Variants in COG6 observed in about 807,000 individuals in gnomAD.
The protein encoded by COG6 is conserved oligomeric Golgi complex subunit 6.
COG6 carries 74 observed loss-of-function variants against 88.8 expected under a neutral mutation model. That is an observed-to-expected ratio of 0.83 (90% CI 0.69 to 1.01). The LOEUF (loss-of-function observed/expected upper bound fraction) is 1.01. Among genes scored for constraint, COG6 ranks in the 50% least tolerant of loss-of-function variants. COG6 has a pLI of 0.00. For missense variants in COG6, 800 were observed against 797.9 expected (o/e 1.00, Z -0.03); for synonymous variants, 286 against 278.7 (o/e 1.03, Z -0.26).
At chr13:39,774,862 C>A (rs536009362) in intron 18 of COG6, among the ~76,000 whole-genome samples, 1 of 152,198 alleles carries the variant, frequency 6.6e-6, no homozygotes, top group South Asian at 2.1e-4. Context: ...TGTGAGCCAC[C>A]GCGCCTGGCT....
chr13:39,705,702 C>G (rs890381333), intron 13 of COG6, among the ~76,000 whole-genome samples: 2 of 152,028 alleles, frequency 1.3e-5, no homozygotes, highest in Non-Finnish European at 2.9e-5. Flanking sequence ...CATTTAAATT[C>G]TAGGATATGG....
At chr13:39,784,800 C>A (rs946881851) in intron 18 of COG6, among the ~76,000 whole-genome samples, 1 of 152,158 alleles carries the variant, frequency 6.6e-6, no homozygotes, top group Non-Finnish European at 1.5e-5. Flanking sequence ...ACTCTGAAGG[C>A]TGGTGGTTCA....
At chr13:39,762,845 T>C (rs937190053) in intron 18 of COG6, among the ~76,000 whole-genome samples, 2 of 150,656 alleles carry the variant, frequency 1.3e-5, no homozygotes, top group African/African-American at 4.9e-5. Flanking sequence ...TCCAGCAGAA[T>C]GTTAACTAAT....
intron 18 of COG6, among the ~76,000 whole-genome samples, chr13:39,760,325 G>A (rs1219711247): frequency 6.6e-6 from 1 of 152,068 alleles, no homozygotes; most frequent in East Asian, 1.9e-4. Flanking sequence ...CCTTAGAAAG[G>A]ACACCAAAGA....
intron 2 of COG6, 81 bp from the exon 3 acceptor site, chr13:39,660,729 T>C: frequency 2.1e-6 from 2 of 950,058 alleles, no homozygotes; most frequent in South Asian, 2.7e-5. Flanking sequence ...ATTATGTAAC[T>C]AAAATAAGGA....
intron 18 of COG6, among the ~76,000 whole-genome samples, chr13:39,765,308 C>G (rs1881132537): frequency 6.6e-6 from 1 of 152,080 alleles, no homozygotes; most frequent in Non-Finnish European, 1.5e-5. Context: ...TGCTTTGATC[C>G]CATGGTAAAT....
chr13:39,736,076 C>T (rs752384026), intron 18 of COG6, among the ~76,000 whole-genome samples: 2 of 151,986 alleles, frequency 1.3e-5, no homozygotes, highest in East Asian at 1.9e-4. Context: ...TCTGTTATCC[C>T]GTCAAATAAA....
chr13:39,727,218 A>G (rs1446516641), intron 17 of COG6, among the ~76,000 whole-genome samples: 1 of 152,120 alleles, frequency 6.6e-6, no homozygotes, highest in Non-Finnish European at 1.5e-5. Flanking sequence ...TGTGAGGAAG[A>G]CTAAAATGAA....
intron 8 of COG6, among the ~76,000 whole-genome samples, chr13:39,683,320 T>C (rs1174311865): frequency 6.6e-6 from 1 of 152,180 alleles, no homozygotes; most frequent in Non-Finnish European, 1.5e-5. Context: ...GAGATGAGCA[T>C]CAGTGAAAGT....
intron 12 of COG6, 73 bp downstream of exon 12, chr13:39,694,798 T>A: frequency 1.2e-6 from 1 of 808,836 alleles, no homozygotes; most frequent in South Asian, 1.6e-5. Context: ...AGTATAAGAT[T>A]TTTTTTTATA....
intron 18 of COG6, among the ~76,000 whole-genome samples, chr13:39,732,027 CT>C (rs1199277061): frequency 1.3e-5 from 2 of 152,096 alleles, no homozygotes; most frequent in Non-Finnish European, 2.9e-5. Flanking sequence ...GTTCTTCTGC[CT>C]TTTTGTTCCA....
At chr13:39,666,559 A>G (rs955738565) in intron 4 of COG6, among the ~76,000 whole-genome samples, 1 of 152,122 alleles carries the variant, frequency 6.6e-6, no homozygotes, top group Admixed American at 6.5e-5. Context: ...ATGACCCCCA[A>G]CTCCTTAGTT....
intron 18 of COG6, among the ~76,000 whole-genome samples, chr13:39,761,089 A>T (rs1880995679): frequency 6.6e-6 from 1 of 152,004 alleles, no homozygotes; most frequent in Admixed American, 6.6e-5. Flanking sequence ...CTTCAACTCT[A>T]TGTATCAATT....
At chr13:39,690,870 T>G (rs1032293488) in intron 11 of COG6, among the ~76,000 whole-genome samples, 2 of 151,956 alleles carry the variant, frequency 1.3e-5, no homozygotes, top group African/African-American at 4.8e-5. Context: ...CATAGTTTGA[T>G]GTAGACATAT....
In COG6 at chr13:39,699,927, G is replaced by A. The variant is rs569901354; in HGVS notation, c.1284+309G>A. 6.6e-5 allele frequency among the ~76,000 whole-genome samples: 10 copies of A among 151,886 alleles called. 1 individual carries two copies. In the East Asian group the frequency reaches 1.5e-3, roughly 24 times the overall value. ...ACTGTATTTAGCTGGGGGCTAAGATGACATACAGATTGGAAAACCAGAACT... is the reference window on the plus strand; with the variant it reads ...ACTGTATTTAGCTGGGGGCTAAGATAACATACAGATTGGAAAACCAGAACT... On this transcript the variant is annotated intron_variant, in intron 13 of 18. Coordinates refer to ENST00000455146, the MANE Select transcript of COG6 (RefSeq NM_020751.3).
At chr13:39,712,251 A>T (rs1878285860) in intron 13 of COG6, among the ~76,000 whole-genome samples, 1 of 152,112 alleles carries the variant, frequency 6.6e-6, no homozygotes, top group Non-Finnish European at 1.5e-5. Context: ...TACTGTACTT[A>T]TGGATCCCAT....
At chr13:39,669,592 G>A (rs1345571530) in intron 4 of COG6, among the ~76,000 whole-genome samples, 1 of 152,140 alleles carries the variant, frequency 6.6e-6, no homozygotes, top group Non-Finnish European at 1.5e-5. Flanking sequence ...TTGAGTAAAT[G>A]AATATGGAAA....
At position 39,677,521 on chromosome 13, in the gene COG6, A is replaced by C; in HGVS notation, c.482A>C (p.Gln161Pro). 1 of 1,613,660 alleles carries C rather than the reference A, an allele frequency of 6.2e-7. No homozygotes were observed. Among genetic ancestry groups the C allele is most frequent in the Non-Finnish European group, 8.5e-7 (1 of 1,179,716 alleles). The change falls in exon 5 of 19, where the codon CAA (glutamine) becomes CCA (proline). Residue 161 changes from glutamine (Q) to proline (P), a missense_variant. By Grantham distance (76) the Gln-to-Pro change is moderately conservative. Transcript: ENST00000455146. ...QVADAFLSKFQLTSDEMSLLR... is the reference protein window; with the variant it reads ...QVADAFLSKFPLTSDEMSLLR... ...GCAGATGCCTTCTTATCCAAGTTCC[A>C]ACTGACTTCTGATGAAATGAGTCTT...
At chr13:39,768,817 A>G (rs1013332168) in intron 18 of COG6, among the ~76,000 whole-genome samples, 2 of 151,746 alleles carry the variant, frequency 1.3e-5, no homozygotes, top group African/African-American at 4.8e-5. Flanking sequence ...TGTTTCAAAT[A>G]CTCTTGCATC....
Sources: allele counts gnomAD v4.1 joint callset (sites outside exome capture counted in the v4.1 genomes callset), GRCh38; gene constraint gnomAD v4.1.1; transcripts MANE v1.5; gene names NCBI Gene and HGNC (gene_info 2026-07-23, HGNC 2026-07-21).